The following CLOCK variants were observed in gnomAD, a reference collection of about 807,000 sequenced individuals.
CLOCK encodes clock circadian regulator.
In CLOCK, 43 loss-of-function variants were observed where a neutral mutation model predicts 118.4. The ratio of observed to expected loss-of-function variants is 0.36; its 90% CI spans 0.28 to 0.47. CLOCK has a LOEUF of 0.47. Ranked by LOEUF, CLOCK falls within the 20% of genes least tolerant of loss-of-function variation. The pLI is 1.00. For missense variants in CLOCK, 846 were observed against 999.9 expected (o/e 0.85, Z 2.08); for synonymous variants, 326 against 339.2 (o/e 0.96, Z 0.43).
At chr4:55,458,170 C>T (rs1257644842) in intron 11 of CLOCK, among the ~76,000 whole-genome samples, 1 of 152,164 alleles carries the variant, frequency 6.6e-6, no homozygotes, top group Admixed American at 6.5e-5. Flanking sequence ...AAATGATCCT[C>T]CTGCCTCAGC....
intron 1 of CLOCK, among the ~76,000 whole-genome samples, chr4:55,535,939 C>T (rs1029974027): frequency 6.6e-6 from 1 of 151,866 alleles, no homozygotes; most frequent in Non-Finnish European, 1.5e-5. Flanking sequence ...AAATTGAGGC[C>T]TGACCTGTGT....
intron 21 of CLOCK, among the ~76,000 whole-genome samples, chr4:55,441,907 T>C (rs12510990): frequency 0.34 from 51,371 of 152,064 alleles, 9,381 homozygotes; most frequent in East Asian, 0.58. Context: ...GTGTTCAGAG[T>C]TCCCTTCCTC....
chr4:55,533,837 A>C (rs1430749216), intron 1 of CLOCK, among the ~76,000 whole-genome samples: 1 of 152,194 alleles, frequency 6.6e-6, no homozygotes, highest in African/African-American at 2.4e-5. Flanking sequence ...TGGGAGGCAG[A>C]GGTTGCAGTA....
intron 1 of CLOCK, among the ~76,000 whole-genome samples, chr4:55,531,272 A>C (rs1730525791): frequency 6.6e-6 from 1 of 152,200 alleles, no homozygotes. Flanking sequence ...AGTAAAGTGT[A>C]AGTGAGCTAA....
At chr4:55,456,396 C>A in intron 11 of CLOCK, 96 bp from the exon 12 acceptor site, 1 of 799,020 alleles carries the variant, frequency 1.3e-6, no homozygotes, top group Admixed American at 2.1e-5. Context: ...GGTGCAGTGG[C>A]TCACACCTGT....
At chr4:55,500,988 A>G (rs1217393483) in intron 2 of CLOCK, among the ~76,000 whole-genome samples, 1 of 152,096 alleles carries the variant, frequency 6.6e-6, no homozygotes, top group Admixed American at 6.5e-5. Flanking sequence ...AGCAGCCGAG[A>G]CTACAGGCAT....
chr4:55,467,418 A>G (rs1272302900), intron 8 of CLOCK, among the ~76,000 whole-genome samples: 2 of 152,198 alleles, frequency 1.3e-5, no homozygotes, highest in African/African-American at 4.8e-5. Flanking sequence ...ACAGAAAATT[A>G]TAATTCTCTG....
intron 1 of CLOCK, among the ~76,000 whole-genome samples, chr4:55,512,540 CT>C (rs1729232782): frequency 6.6e-6 from 1 of 151,974 alleles, no homozygotes; most frequent in Admixed American, 6.6e-5. Flanking sequence ...TCTTTTTATT[CT>C]TTTGATAAGT....
chr4:55,440,375 T>C (rs963603888), intron 21 of CLOCK, among the ~76,000 whole-genome samples: 1 of 152,188 alleles, frequency 6.6e-6, no homozygotes, highest in Non-Finnish European at 1.5e-5. Flanking sequence ...CCCAAAAAAA[T>C]GATGCTTCTT....
At chr4:55,543,798 T>C (rs931891146) in intron 1 of CLOCK, among the ~76,000 whole-genome samples, 3 of 150,008 alleles carry the variant, frequency 2.0e-5, no homozygotes, top group African/African-American at 7.3e-5. Context: ...AAAATTGAAA[T>C]GTAATTCCAT....
At chr4:55,541,802 T>C (rs955015739) in intron 1 of CLOCK, among the ~76,000 whole-genome samples, 2 of 151,688 alleles carry the variant, frequency 1.3e-5, no homozygotes, top group Non-Finnish European at 2.9e-5. Context: ...AAAAAACTAC[T>C]GAAATAGCTA....
In CLOCK at chr4:55,435,048, A is replaced by G. The variant is rs1173991636; in HGVS notation, c.*367T>C. ...AGTGGTATGTCCTCTGTAACACTTG[A>G]TAAGAGGCACAGAACCACTAAAAGT... On this transcript the variant is annotated 3_prime_UTR_variant, in exon 23 of 23. Transcript: ENST00000513440. 2 of 324,490 alleles carry G rather than the reference A, an allele frequency of 6.2e-6. No homozygotes were observed. Among genetic ancestry groups the G allele is most frequent in the Non-Finnish European group, 1.2e-5 (2 of 165,012 alleles). 20.1% of individuals were successfully genotyped at this position (324,490 alleles called of 1,614,324 possible). A position where few individuals can be genotyped will look rare whatever the true frequency, so the allele number is the denominator to read the frequency against.
intron 1 of CLOCK, among the ~76,000 whole-genome samples, chr4:55,519,822 A>G (rs1729750178): frequency 6.6e-6 from 1 of 152,078 alleles, no homozygotes; most frequent in Non-Finnish European, 1.5e-5. Flanking sequence ...ATCATTGAAC[A>G]TTTATGGGGT....
At chr4:55,514,474 T>C (rs1254850074) in intron 1 of CLOCK, among the ~76,000 whole-genome samples, 1 of 151,076 alleles carries the variant, frequency 6.6e-6, no homozygotes, top group Non-Finnish European at 1.5e-5. Flanking sequence ...CAACTATCAC[T>C]ACAATCTAAT....
chr4:55,540,973 G>A (rs145356451), intron 1 of CLOCK: 7 of 152,192 alleles, frequency 4.6e-5, no homozygotes, highest in East Asian at 3.9e-4. Context: ...AATTATATCC[G>A]AAACAGCATA....
In CLOCK at chr4:55,435,236, T is replaced by C; in HGVS notation, c.*179A>G. The C allele has an allele frequency of 1.5e-6, 1 of 683,684 alleles. No individual in the cohort carries two copies. The highest frequency in any genetic ancestry group is 2.5e-6 in the Non-Finnish European group (1 of 395,772). The allele number at this position is 683,684 out of a possible 1,614,324, so 42.4% of individuals were successfully genotyped here. On this transcript the variant is annotated 3_prime_UTR_variant, in exon 23 of 23. Transcript: ENST00000513440. ...TGATCACCTCCTGCTGGCTGGTATT[T>C]AATGTACATCTGTAGCACTAGGCAG...
rs116690248 is a variant in CLOCK, at chr4:55,453,906, T to C, written c.983-82A>G. ...TTTTAACCAAAAGCTATCATTTACA[T>C]TTAAGTTTACACATACTATTATTTT... On this transcript the variant is annotated intron_variant, in intron 13 of 22. Coordinates refer to ENST00000513440, the MANE Select transcript of CLOCK (RefSeq NM_004898.4). The C allele has an allele frequency of 3.2e-3, 3,412 of 1,083,094 alleles. 19 individuals are homozygous for C. Among genetic ancestry groups the C allele is most frequent in the African/African-American group, 0.021 (1,296 of 62,636 alleles). The allele number at this position is 1,083,094 out of a possible 1,614,324, so 67.1% of individuals were successfully genotyped here. A position where few individuals can be genotyped will look rare whatever the true frequency, so the allele number is the denominator to read the frequency against.
At chr4:55,545,978 C>G (rs1731592058) in intron 1 of CLOCK, 1 of 152,244 alleles carries the variant, frequency 6.6e-6, no homozygotes, top group Non-Finnish European at 1.5e-5. Flanking sequence ...GGAACCACCA[C>G]CACTAACGGA....
At chr4:55,453,308 T>A (rs1227824533) in intron 14 of CLOCK, 179 bp from the exon 15 acceptor site, 5 of 593,012 alleles carry the variant, frequency 8.4e-6, no homozygotes, top group African/African-American at 1.9e-5. Context: ...TTTCTAGGTA[T>A]CTTAAAGTTT....
Sources: allele counts gnomAD v4.1 joint callset (sites outside exome capture counted in the v4.1 genomes callset), GRCh38; gene constraint gnomAD v4.1.1; transcripts MANE v1.5; gene names NCBI Gene and HGNC (gene_info 2026-07-23, HGNC 2026-07-21).